MDGA2: variants seen among roughly 807,000 people sequenced by gnomAD.
MDGA2 encodes the protein MAM domain-containing glycosylphosphatidylinositol anchor protein 2.
In MDGA2, 40 loss-of-function variants were observed where a neutral mutation model predicts 117.8. That is an observed-to-expected ratio of 0.34 (90% CI 0.26 to 0.44). The LOEUF is 0.44. MDGA2 is among the 20% of genes least tolerant of loss of function. The pLI is 1.00. For synonymous variants in MDGA2, 452 were observed against 439.0 expected (o/e 1.03, Z -0.37); for missense variants, 1,123 against 1,250.6 (o/e 0.90, Z 1.54).
intron 1 of MDGA2, among the ~76,000 whole-genome samples, chr14:47,605,200 A>G (rs1215114714): frequency 6.6e-6 from 1 of 152,052 alleles, no homozygotes; most frequent in Non-Finnish European, 1.5e-5. Flanking sequence ...TTTTTTTTCA[A>G]TGAGTAACAC....
intron 7 of MDGA2, among the ~76,000 whole-genome samples, chr14:47,037,092 C>CT (rs1452981522): frequency 8.5e-5 from 13 of 152,074 alleles, no homozygotes; most frequent in African/African-American, 3.1e-4. Flanking sequence ...AGTATTTGTT[C>CT]TTTTTGAAGT....
intron 3 of MDGA2, among the ~76,000 whole-genome samples, chr14:47,151,391 C>T (rs1883158708): frequency 6.6e-6 from 1 of 152,154 alleles, no homozygotes; most frequent in African/African-American, 2.4e-5. Context: ...CCAACGCTTC[C>T]AGGAAGAAAA....
At chr14:47,483,046 T>A (rs1893986137) in intron 1 of MDGA2, among the ~76,000 whole-genome samples, 1 of 152,116 alleles carries the variant, frequency 6.6e-6, no homozygotes, top group African/African-American at 2.4e-5. Context: ...GAACTGACAT[T>A]TTATGACATA....
chr14:47,202,233 A>C (rs574268667), intron 3 of MDGA2, among the ~76,000 whole-genome samples: 1 of 152,240 alleles, frequency 6.6e-6, no homozygotes, highest in East Asian at 1.9e-4. Context: ...TGTTAGTAAA[A>C]GTAGTTGTGA....
At chr14:47,645,630 TA>T (rs1289077807) in intron 1 of MDGA2, among the ~76,000 whole-genome samples, 1 of 152,008 alleles carries the variant, frequency 6.6e-6, no homozygotes, top group African/African-American at 2.4e-5. Context: ...ATATTATAAT[TA>T]CAGACTGTTT....
At chr14:46,965,735 G>T (rs1255774509) in intron 8 of MDGA2, among the ~76,000 whole-genome samples, 1 of 152,046 alleles carries the variant, frequency 6.6e-6, no homozygotes, top group African/African-American at 2.4e-5. Flanking sequence ...TGTATAGTGT[G>T]AAAATTTCGA....
At chr14:46,926,362 C>A (rs1884331595) in intron 9 of MDGA2, among the ~76,000 whole-genome samples, 1 of 151,638 alleles carries the variant, frequency 6.6e-6, no homozygotes, top group South Asian at 2.1e-4. Context: ...TCATTTAAAA[C>A]CTAATTTAAA....
chr14:47,030,846 C>G (rs1435232536), intron 8 of MDGA2, among the ~76,000 whole-genome samples: 1 of 152,102 alleles, frequency 6.6e-6, no homozygotes, highest in East Asian at 1.9e-4. Context: ...ACTTCATACT[C>G]TGGTCCATAA....
intron 5 of MDGA2, among the ~76,000 whole-genome samples, chr14:47,116,809 A>G (rs73248035): frequency 9.4e-4 from 143 of 152,250 alleles, no homozygotes; most frequent in African/African-American, 3.4e-3. Flanking sequence ...TAAAACTACT[A>G]TAAGAAAACA....
At chr14:46,850,061 A>C (rs1880999185) in intron 15 of MDGA2, among the ~76,000 whole-genome samples, 1 of 151,900 alleles carries the variant, frequency 6.6e-6, no homozygotes, top group African/African-American at 2.4e-5. Flanking sequence ...AAATGTTTTC[A>C]CAGTGTGTTC....
chr14:46,850,583 C>T lies in MDGA2; in HGVS notation c.2883+4441G>A, dbSNP rs369135694. 1.2e-4 allele frequency among the ~76,000 whole-genome samples: 18 copies of T among 151,888 alleles called. No homozygotes were observed. The East Asian group carries it at 1.9e-3, about 16-fold the overall frequency. On this transcript the variant is annotated intron_variant, in intron 15 of 16. Transcript: ENST00000399232. The stretch of plus-strand genomic sequence containing the variant: ...GGATATAAATATATTTAAAAATAAC[C>T]ATTAGCATTAATAATGTTATCTTTA...
At position 46,957,632 on chromosome 14, in the gene MDGA2, C is replaced by A; in HGVS notation, c.1831G>T (p.Val611Leu). Reference sequence around the variant, plus strand: ...CGGATTTCCAAGAATGCTGGTTCCACTGCAGGGGGATCTGTAGAAAAGATA... The same window carrying A: ...CGGATTTCCAAGAATGCTGGTTCCAATGCAGGGGGATCTGTAGAAAAGATA... ...VQLIVQYPPA[V>L]EPAFLEIRQG... Residue 611 changes from valine to leucine, a missense_variant, in exon 9 of 17, where the codon GTG becomes TTG. By Grantham distance (32) the Val-to-Leu change is conservative (BLOSUM62 1). Transcript: ENST00000399232. 6.2e-7 allele frequency: 1 copy of A among 1,614,110 alleles called. No homozygotes were observed. The highest frequency in any genetic ancestry group is 8.5e-7 in the Non-Finnish European group (1 of 1,179,962).
At chr14:47,389,930 T>C (rs12883487) in intron 1 of MDGA2, among the ~76,000 whole-genome samples, 39,563 of 152,126 alleles carry the variant, frequency 0.26, 5,477 homozygotes, top group Middle Eastern at 0.41. Flanking sequence ...GGTGAATATC[T>C]TGACTCTCAG....
At position 47,308,664 on chromosome 14, in the gene MDGA2, TA is replaced by T. The variant is rs370528618; in HGVS notation, c.281-7115del. 5.6e-3 allele frequency among the ~76,000 whole-genome samples: 817 copies of T among 145,506 alleles called. 5 individuals carry two copies. The highest frequency in any genetic ancestry group is 0.017 in the African/African-American group (682 of 39,908). ...TATAAATAAGCTTAGTGTGTCCCATTAAAAAAAAAAACAGAGACAAAAGAGC... is the reference window on the plus strand; with the variant it reads ...TATAAATAAGCTTAGTGTGTCCCATTAAAAAAAAAACAGAGACAAAAGAGC... On this transcript the variant is annotated intron_variant, in intron 1 of 16. Coordinates refer to ENST00000399232, the MANE Select transcript of MDGA2 (RefSeq NM_001113498.3).
At chr14:47,444,772 T>G (rs894652343) in intron 1 of MDGA2, among the ~76,000 whole-genome samples, 1 of 152,160 alleles carries the variant, frequency 6.6e-6, no homozygotes, top group African/African-American at 2.4e-5. Context: ...CTAAGCCTCA[T>G]AGTCTTAGCT....
At chr14:46,889,145 G>A (rs1239765597) in intron 10 of MDGA2, among the ~76,000 whole-genome samples, 1 of 151,918 alleles carries the variant, frequency 6.6e-6, no homozygotes, top group Non-Finnish European at 1.5e-5. Flanking sequence ...TAACTAACAT[G>A]GCGTTAAATG....
At chr14:47,081,437 C>T (rs72678478) in intron 6 of MDGA2, among the ~76,000 whole-genome samples, 19 of 152,176 alleles carry the variant, frequency 1.2e-4, no homozygotes, top group Non-Finnish European at 2.5e-4. Context: ...AAACAATATA[C>T]TACCCACTTA....
At chr14:47,015,070 G>C (rs184791450) in intron 8 of MDGA2, among the ~76,000 whole-genome samples, 37 of 152,174 alleles carry the variant, frequency 2.4e-4, no homozygotes, top group African/African-American at 8.7e-4. Flanking sequence ...AGTGAATAGG[G>C]AGACCCAAGG....
chr14:46,863,523 A>G lies in MDGA2; in HGVS notation c.2753-8369T>C, dbSNP rs1881598433. On this transcript the variant is annotated intron_variant, in intron 14 of 16. Transcript: ENST00000399232. ...CCATTGTAATAAATCCTTAATGTCA[A>G]TGAAATTAGTTTTAAAGTTTGGTAC... Among the ~76,000 whole-genome samples the G allele has an allele frequency of 2.0e-5, 3 of 152,298 alleles. No individual in the cohort carries two copies. In the South Asian group the frequency reaches 6.2e-4, roughly 32 times the overall value.
Sources: gnomAD v4.1 joint callset for allele counts (sites outside exome capture counted in the v4.1 genomes callset) on GRCh38, gnomAD v4.1.1 for gene constraint, MANE v1.5 for transcripts, NCBI Gene and HGNC (gene_info 2026-07-23, HGNC 2026-07-21) for gene names.